Variants in TNIP3 observed in about 807,000 individuals in gnomAD.
TNIP3 encodes the protein TNFAIP3-interacting protein 3.
In TNIP3, 34 loss-of-function variants were observed where a neutral mutation model predicts 54.1. The observed-to-expected ratio is 0.63, with a 90% confidence interval of 0.48 to 0.84. The LOEUF (loss-of-function observed/expected upper bound fraction) is 0.84. Among genes scored for constraint, TNIP3 ranks in the 40% least tolerant of loss-of-function variants. TNIP3 has a pLI of 0.00. For missense variants in TNIP3, 366 were observed against 387.6 expected (o/e 0.94, Z 0.47); for synonymous variants, 134 against 136.8 (o/e 0.98, Z 0.14).
chr4:121,194,557 G>A (rs186342163), intron 2 of TNIP3, among the ~76,000 whole-genome samples: 23 of 152,214 alleles, frequency 1.5e-4, no homozygotes, highest in Non-Finnish European at 2.9e-4. Context: ...AAAAGGATGT[G>A]GAGGAAGAGC....
chr4:121,170,706 G>A (rs2148821008), intron 3 of TNIP3, among the ~76,000 whole-genome samples: 1 of 152,026 alleles, frequency 6.6e-6, no homozygotes, highest in East Asian at 1.9e-4. Flanking sequence ...CATTTTCATG[G>A]TGCTTTCTAA....
At chr4:121,217,887 A>G (rs1473982568), upstream of TNIP3, among the ~76,000 whole-genome samples, 1 of 152,176 alleles carries the variant, frequency 6.6e-6, no homozygotes. Flanking sequence ...GTATCAGGGA[A>G]TGATAGAATC....
At chr4:121,211,524 CTCTTCATT>C (rs1322354865) in intron 2 of TNIP3, among the ~76,000 whole-genome samples, 3 of 152,154 alleles carry the variant, frequency 2.0e-5, no homozygotes, top group Non-Finnish European at 4.4e-5. Context: ...AAACTCTAGT[CTCTTCATT>C]TCCCCCATTA....
chr4:121,205,259 G>A (rs910864114), intron 2 of TNIP3, among the ~76,000 whole-genome samples: 1 of 152,118 alleles, frequency 6.6e-6, no homozygotes, highest in Admixed American at 6.6e-5. Flanking sequence ...TGGCTTATTG[G>A]GGAAAGAGCA....
chr4:121,212,305 A>G (rs1726516878), intron 2 of TNIP3, among the ~76,000 whole-genome samples: 1 of 152,202 alleles, frequency 6.6e-6, no homozygotes, highest in South Asian at 2.1e-4. Context: ...TCAAAGCACA[A>G]GTTGTCCCAA....
rs150667512 is a variant in TNIP3 at position 121,157,385 on chromosome 4, C to T, written c.214-142G>A. ...GGAGAGGTTCTAGCTCCCACCGTCCCGAACACAGATCGGGATACTCGCGTT... is the reference window on the plus strand; with the variant it reads ...GGAGAGGTTCTAGCTCCCACCGTCCTGAACACAGATCGGGATACTCGCGTT... On this transcript the variant is annotated intron_variant, in intron 3 of 10. Coordinates refer to ENST00000057513, the MANE Select transcript of TNIP3 (RefSeq NM_024873.6). 4.1e-3 allele frequency: 4,198 copies of T among 1,024,214 alleles called. 12 individuals carry two copies. Among genetic ancestry groups the T allele is most frequent in the Admixed American group, 5.2e-3 (239 of 46,110 alleles). The allele number at this position is 1,024,214 out of a possible 1,614,324, so 63.4% of individuals were successfully genotyped here.
chr4:121,151,561 T>A (rs1163294362), intron 5 of TNIP3, among the ~76,000 whole-genome samples: 1 of 152,122 alleles, frequency 6.6e-6, no homozygotes, highest in South Asian at 2.1e-4. Flanking sequence ...TGAGGATTTG[T>A]GTTAAGCTCT....
At chr4:121,212,966 T>C (rs935391166) in intron 2 of TNIP3, among the ~76,000 whole-genome samples, 24 of 152,208 alleles carry the variant, frequency 1.6e-4, no homozygotes, top group Admixed American at 1.2e-3. Flanking sequence ...CCTACACTTC[T>C]CTTCCTTTTA....
upstream of TNIP3, among the ~76,000 whole-genome samples, chr4:121,165,544 G>A (rs998076331): frequency 5.9e-5 from 9 of 152,010 alleles, no homozygotes; most frequent in African/African-American, 2.2e-4. Context: ...CTGTGTCCAC[G>A]CACCCAGGCA....
chr4:121,192,738 A>G (rs1237619664), intron 2 of TNIP3: 1 of 152,214 alleles, frequency 6.6e-6, no homozygotes, highest in African/African-American at 2.4e-5. Flanking sequence ...TTTGTAGTGT[A>G]CATGTGAGTA....
chr4:121,213,037 A>G (rs750359661), intron 2 of TNIP3, among the ~76,000 whole-genome samples: 5 of 152,206 alleles, frequency 3.3e-5, no homozygotes, highest in African/African-American at 7.2e-5. Context: ...TGGCTGCTCA[A>G]TGTTGCATCT....
At chr4:121,164,503 C>A (rs990894136), upstream of TNIP3, among the ~76,000 whole-genome samples, 6 of 152,194 alleles carry the variant, frequency 3.9e-5, no homozygotes, top group African/African-American at 1.4e-4. Flanking sequence ...AAGTTCTCCA[C>A]CACAGAAAGC....
chr4:121,180,791 A>G (rs1386102652), intron 3 of TNIP3, among the ~76,000 whole-genome samples: 10 of 152,194 alleles, frequency 6.6e-5, no homozygotes, highest in Admixed American at 5.9e-4. Flanking sequence ...GGTCCTCACT[A>G]CTACTCTGCA....
intron 2 of TNIP3, among the ~76,000 whole-genome samples, chr4:121,203,529 G>A (rs946256611): frequency 2.6e-5 from 4 of 152,042 alleles, no homozygotes; most frequent in Non-Finnish European, 5.9e-5. Context: ...CACTTTCCGG[G>A]TGATAGTGCA....
intron 9 of TNIP3, among the ~76,000 whole-genome samples, chr4:121,141,186 G>T (rs13110041): frequency 0.17 from 26,133 of 152,126 alleles, 2,353 homozygotes; most frequent in Middle Eastern, 0.25. Flanking sequence ...GTAGAGGAGG[G>T]TAGGTGGAAT....
intron 7 of TNIP3, among the ~76,000 whole-genome samples, chr4:121,143,446 G>T (rs964471411): frequency 6.6e-6 from 1 of 152,184 alleles, no homozygotes; most frequent in Non-Finnish European, 1.5e-5. Flanking sequence ...TCCCATAAGG[G>T]ATGGTCAAAT....
chr4:121,155,357 ACT>A (rs2148810622), intron 4 of TNIP3, among the ~76,000 whole-genome samples: 1 of 151,810 alleles, frequency 6.6e-6, no homozygotes, highest in East Asian at 1.9e-4. Context: ...AAAAGAAAAA[ACT>A]CTCATTGTGA....
intron 6 of TNIP3, among the ~76,000 whole-genome samples, chr4:121,148,135 C>T (rs896870114): frequency 2.6e-5 from 4 of 152,124 alleles, no homozygotes; most frequent in African/African-American, 9.7e-5. Flanking sequence ...ATGGGAGGAG[C>T]CCATCTGATT....
intron 6 of TNIP3, among the ~76,000 whole-genome samples, chr4:121,148,109 A>G (rs1729537780): frequency 6.6e-6 from 1 of 152,184 alleles, no homozygotes; most frequent in Admixed American, 6.5e-5. Context: ...GTAAACAATT[A>G]CCAGAGGCAT....
Sources: allele counts gnomAD v4.1 joint callset (sites outside exome capture counted in the v4.1 genomes callset), GRCh38; gene constraint gnomAD v4.1.1; transcripts MANE v1.5; gene names NCBI Gene and HGNC (gene_info 2026-07-23, HGNC 2026-07-21).